Variants in MID1 observed in about 807,000 individuals in gnomAD.
MID1 encodes E3 ubiquitin-protein ligase Midline-1.
Under a neutral mutation model 40.4 loss-of-function variants are expected in MID1, and 7 were observed. That is an observed-to-expected ratio of 0.17 (90% confidence interval 0.10 to 0.33). MID1 has a LOEUF of 0.33. Ranked by LOEUF, MID1 falls within the 10% of genes least tolerant of loss-of-function variation. The pLI is 1.00. For missense variants in MID1, 367 were observed against 558.5 expected, an observed-to-expected ratio of 0.66 and a Z score of 3.46; for synonymous variants, 229 against 221.2, an observed-to-expected ratio of 1.04 and a Z score of -0.31.
Position 10,533,336 on chromosome X carries a change from G to GAAAC in MID1, c.661-10150_661-10149insGTTT, listed in dbSNP as rs1199625467. Among the ~76,000 whole-genome samples the GAAAC allele has an allele frequency of 9.3e-5, 5 of 54,011 alleles. No homozygotes were observed. The East Asian group carries it at 3.0e-3, about 32-fold the overall frequency. The allele number at this position is 54,011 out of a possible 115,157, so 46.9% of individuals were successfully genotyped here. On this transcript the variant is annotated intron_variant, in intron 2 of 9. Transcript: ENST00000317552. ...GAAAGAAAGAAAGAAAGGAAAGAAA[G>GAAAC]AAAGAAAGAAAGAAAGAAAGAAAGA...
At chrX:10,775,054 A>G (rs941225616) in intron 1 of MID1, among the ~76,000 whole-genome samples, 2 of 101,092 alleles carry the variant, frequency 2.0e-5, no homozygotes, top group Non-Finnish European at 4.0e-5. Context: ...CCTGAATGGC[A>G]TTGGGCAGTA....
intron 1 of MID1, among the ~76,000 whole-genome samples, chrX:10,811,359 A>C (rs1334055963): frequency 8.9e-6 from 1 of 112,253 alleles, no homozygotes; most frequent in Non-Finnish European, 1.9e-5. Flanking sequence ...TATGAGCCAA[A>C]GACTGTTGTA....
intron 1 of MID1, among the ~76,000 whole-genome samples, chrX:10,735,195 C>T (rs900489751): frequency 1.9e-4 from 21 of 112,280 alleles, no homozygotes; most frequent in African/African-American, 6.5e-4. Context: ...CTCCACCTCT[C>T]GGGTTCAAGC....
intron 5 of MID1, among the ~76,000 whole-genome samples, chrX:10,481,225 A>G (rs765622545): frequency 9.9e-4 from 111 of 111,842 alleles, no homozygotes; most frequent in African/African-American, 3.5e-3. Flanking sequence ...TCCTTTATAG[A>G]AAAAGTCTGC....
At chrX:10,494,077 C>T (rs1931099289) in intron 4 of MID1, among the ~76,000 whole-genome samples, 1 of 112,226 alleles carries the variant, frequency 8.9e-6, no homozygotes, top group African/African-American at 3.2e-5. Flanking sequence ...TTGGACAATT[C>T]GTATGTGGGG....
intron 1 of MID1, among the ~76,000 whole-genome samples, chrX:10,809,785 G>C (rs181061260): frequency 3.1e-5 from 3 of 97,174 alleles, no homozygotes; most frequent in Non-Finnish European, 6.2e-5. Context: ...GGTAGGGGGA[G>C]GGGGGAGGGA....
chrX:10,737,288 T>A (rs934873366), intron 1 of MID1, among the ~76,000 whole-genome samples: 1 of 112,612 alleles, frequency 8.9e-6, no homozygotes, highest in East Asian at 2.8e-4. Context: ...GAACCAAGCC[T>A]ATGCATCAAA....
upstream of MID1, among the ~76,000 whole-genome samples, chrX:10,622,511 A>T (rs1464727753): frequency 8.9e-6 from 1 of 111,868 alleles, no homozygotes; most frequent in Non-Finnish European, 1.9e-5. Context: ...CCCCAAGAAA[A>T]ATTAATCCCT....
At chrX:10,549,176 GAC>G (rs1410250720) in intron 2 of MID1, among the ~76,000 whole-genome samples, 2 of 112,611 alleles carry the variant, frequency 1.8e-5, no homozygotes, top group Non-Finnish European at 3.7e-5. Flanking sequence ...CTCTCATAAA[GAC>G]ACAGATAATG....
chrX:10,821,660 C>T (rs1371565753), intron 1 of MID1, among the ~76,000 whole-genome samples: 4 of 112,495 alleles, frequency 3.6e-5, no homozygotes, highest in Admixed American at 9.4e-5. Context: ...ACACAATGCC[C>T]GTGTTTGTCT....
At chrX:10,769,475 G>A (rs12015003) in intron 1 of MID1, among the ~76,000 whole-genome samples, 4,130 of 111,712 alleles carry the variant, frequency 0.037, 164 homozygotes, top group African/African-American at 0.12. Context: ...CCTTGAGACT[G>A]TTGTATGCCC....
At chrX:10,470,330 A>G (rs1269210544) in intron 6 of MID1, among the ~76,000 whole-genome samples, 1 of 111,831 alleles carries the variant, frequency 8.9e-6, no homozygotes, top group Non-Finnish European at 1.9e-5. Flanking sequence ...CCAGGTTCCA[A>G]TAAAACTTTA....
intron 1 of MID1, among the ~76,000 whole-genome samples, chrX:10,637,189 T>A (rs759291041): frequency 9.0e-6 from 1 of 110,993 alleles, no homozygotes; most frequent in African/African-American, 3.3e-5. Flanking sequence ...GGTTAGAATG[T>A]TTTGTTCAAA....
chrX:10,584,501 G>A lies in MID1; in HGVS notation c.-56-16898C>T, dbSNP rs759232117. Among the ~76,000 whole-genome samples, 86 of 111,679 alleles carry A rather than the reference G, an allele frequency of 7.7e-4. 1 individual carries two copies. The highest frequency in any genetic ancestry group is 1.5e-3 in the Non-Finnish European group (82 of 53,135). On this transcript the variant is annotated intron_variant, in intron 1 of 9. Transcript: ENST00000317552. ...TGCACCACTGGAAGAGGAAATTTCA[G>A]GAAGGAAAGGAAGGAAATGAGGGAA... is the stretch of plus-strand genomic sequence containing the variant.
rs1345071615 is a variant in MID1 at position 10,828,318 on chromosome X, A to G, written c.-187+5236T>C. On this transcript the variant is annotated intron_variant, in intron 1 of 10. Transcript: ENST00000380785. ...CATCTTGGACGCCACATCAGATTAAATGTTACATTCTGCTGGGGTAGGGTG... is the reference window on the plus strand; with the variant it reads ...CATCTTGGACGCCACATCAGATTAAGTGTTACATTCTGCTGGGGTAGGGTG... Among the ~76,000 whole-genome samples, 6 of 111,323 alleles carry G rather than the reference A, an allele frequency of 5.4e-5. No homozygotes were observed. In the Admixed American group the frequency reaches 5.8e-4, roughly 11 times the overall value.
intron 2 of MID1, among the ~76,000 whole-genome samples, chrX:10,554,879 G>A (rs1934059418): frequency 1.8e-5 from 2 of 111,754 alleles, no homozygotes; most frequent in Admixed American, 1.9e-4. Context: ...CTAAACAGCT[G>A]TGTCAAGGGT....
chrX:10,580,590 T>C (rs1934986869), intron 1 of MID1, among the ~76,000 whole-genome samples: 1 of 111,648 alleles, frequency 9.0e-6, no homozygotes, highest in Admixed American at 9.5e-5. Context: ...TAATAAAACA[T>C]CATCATAGCT....
chrX:10,632,073 C>T (rs750215385), intron 1 of MID1, among the ~76,000 whole-genome samples: 1 of 111,789 alleles, frequency 8.9e-6, no homozygotes, highest in South Asian at 3.8e-4. Flanking sequence ...CTTTCAATTA[C>T]GCTTGCATTG....
chrX:10,739,090 A>T (rs1602548679), intron 1 of MID1, among the ~76,000 whole-genome samples: 1 of 112,216 alleles, frequency 8.9e-6, no homozygotes, highest in African/African-American at 3.2e-5. Flanking sequence ...GGAAAAGTAA[A>T]ACATTTGCTT....
Sources: gnomAD v4.1 joint callset for allele counts (sites outside exome capture counted in the v4.1 genomes callset) on GRCh38, gnomAD v4.1.1 for gene constraint, MANE v1.5 for transcripts, NCBI Gene and HGNC (gene_info 2026-07-23, HGNC 2026-07-21) for gene names.